Variants in CDC42BPA observed in about 807,000 individuals in gnomAD.
The protein encoded by CDC42BPA is CDC42 binding protein kinase alpha.
A neutral mutation model predicts 223.5 loss-of-function variants in CDC42BPA; 80 were observed. That is an observed-to-expected ratio of 0.36 (90% confidence interval 0.30 to 0.43). The LOEUF (loss-of-function observed/expected upper bound fraction) is 0.43. Ranked by LOEUF, CDC42BPA falls within the 20% of genes least tolerant of loss-of-function variation. The probability of loss-of-function intolerance (pLI) is 1.00; values close to 1 mark genes in which losing one functional copy is unlikely to be tolerated. For synonymous variants in CDC42BPA, 694 were observed against 718.6 expected (o/e 0.97, Z 0.55); for missense variants, 1,743 against 2,099.9 (o/e 0.83, Z 3.32).
intron 11 of CDC42BPA, among the ~76,000 whole-genome samples, chr1:227,122,877 C>A (rs544044838): frequency 6.6e-6 from 1 of 152,320 alleles, no homozygotes; most frequent in Admixed American, 6.5e-5. Flanking sequence ...AGAGCCTTTA[C>A]TTTCACTACA....
chr1:227,098,882 A>G (rs1684476677), intron 15 of CDC42BPA, among the ~76,000 whole-genome samples: 1 of 152,026 alleles, frequency 6.6e-6, no homozygotes. Flanking sequence ...ATTCTACAAT[A>G]TAGTCATGTA....
At chr1:227,208,349 CTTTAG>C (rs2150322435) in intron 3 of CDC42BPA, among the ~76,000 whole-genome samples, 1 of 139,742 alleles carries the variant, frequency 7.2e-6, no homozygotes, top group African/African-American at 2.6e-5. Flanking sequence ...TGCAGAAGCT[CTTTAG>C]TTTAATTAGA....
Position 226,992,630 on chromosome 1 carries a change from C to T in CDC42BPA, c.*1638G>A, listed in dbSNP as rs778043088. On this transcript the variant is annotated 3_prime_UTR_variant, in exon 37 of 37. Transcript: ENST00000366766. Reference sequence around the variant, plus strand: ...ACTCAGGTTAGCAACTGCAGGAAAACTTTCTTCATTTTCACTGAATTTTAA... The same window carrying T: ...ACTCAGGTTAGCAACTGCAGGAAAATTTTCTTCATTTTCACTGAATTTTAA... 1 of 152,268 alleles carries T rather than the reference C, an allele frequency of 6.6e-6. No homozygotes were observed. The highest frequency in any genetic ancestry group is 2.1e-4 in the South Asian group (1 of 4,830). The allele number at this position is 152,268 out of a possible 1,614,324, so 9.4% of individuals were successfully genotyped here.
chr1:227,208,091 T>C (rs2150319119), intron 3 of CDC42BPA, among the ~76,000 whole-genome samples: 1 of 101,430 alleles, frequency 9.9e-6, no homozygotes, highest in East Asian at 2.5e-4. Context: ...CATTGTGGTT[T>C]TGATTTGCGT....
At chr1:227,138,523 C>CAAAAAAAAAA (rs1558587660) in intron 10 of CDC42BPA, among the ~76,000 whole-genome samples, 1 of 4,568 alleles carries the variant, frequency 2.2e-4, no homozygotes, top group African/African-American at 8.7e-4. Context: ...GCCCCAGAAG[C>CAAAAAAAAAA]CAAAAAAAAA....
chr1:227,031,193 C>CA, intron 28 of CDC42BPA, 105 bp downstream of exon 28: 1 of 795,136 alleles, frequency 1.3e-6, no homozygotes, highest in Non-Finnish European at 2.1e-6. Flanking sequence ...TGATATGATG[C>CA]ACAGTATGTT....
chr1:227,158,805 T>C (rs1663306440), intron 6 of CDC42BPA, among the ~76,000 whole-genome samples: 1 of 152,194 alleles, frequency 6.6e-6, no homozygotes, highest in African/African-American at 2.4e-5. Context: ...TCATATGGTC[T>C]TGTGGTACAA....
At chr1:227,054,586 G>C (rs1368797404) in intron 21 of CDC42BPA, among the ~76,000 whole-genome samples, 1 of 152,122 alleles carries the variant, frequency 6.6e-6, no homozygotes, top group Non-Finnish European at 1.5e-5. Flanking sequence ...GGATATTGGA[G>C]AAAGGAAAAA....
intron 34 of CDC42BPA, among the ~76,000 whole-genome samples, chr1:227,007,078 G>T (rs1664259313): frequency 6.6e-6 from 1 of 151,736 alleles, no homozygotes; most frequent in African/African-American, 2.4e-5. Context: ...GAAATGCAAT[G>T]AAAAAAAATC....
In CDC42BPA at chr1:227,128,678, T is replaced by C. The variant is rs1436670211; in HGVS notation, c.1513+431A>G. Among the ~76,000 whole-genome samples the C allele has an allele frequency of 2.0e-5, 3 of 152,134 alleles. No individual in the cohort carries two copies. In the East Asian group the frequency reaches 5.8e-4, roughly 29 times the overall value. ...AAAATAATTGCATTAACAAAGAAAA[T>C]AAATTTTCTTGATGCCTGTATACAT... On this transcript the variant is annotated intron_variant, in intron 11 of 36. Transcript: ENST00000366766.
intron 21 of CDC42BPA, among the ~76,000 whole-genome samples, chr1:227,065,702 G>A (rs573669653): frequency 6.6e-6 from 1 of 152,278 alleles, no homozygotes; most frequent in Non-Finnish European, 1.5e-5. Context: ...AGGCCTGTGT[G>A]GAAGGGTAAA....
In CDC42BPA at chr1:227,050,672, A is replaced by C. The variant is rs1461389401; in HGVS notation, c.3009+1209T>G. 2.6e-5 allele frequency among the ~76,000 whole-genome samples: 4 copies of C among 152,176 alleles called. No homozygotes were observed. The East Asian group carries it at 7.7e-4, about 29-fold the overall frequency. ...GAAAAGCAGACTTCTGAATGAAAAA[A>C]ATTACAGAAGGATACAGGTAATATT... is the stretch of plus-strand genomic sequence containing the variant. On this transcript the variant is annotated intron_variant, in intron 22 of 36. Transcript: ENST00000366766.
At chr1:227,271,895 C>G (rs1686020552) in intron 1 of CDC42BPA, among the ~76,000 whole-genome samples, 1 of 152,116 alleles carries the variant, frequency 6.6e-6, no homozygotes, top group Non-Finnish European at 1.5e-5. Context: ...TATAAATCAA[C>G]AACTGGTTCA....
intron 16 of CDC42BPA, among the ~76,000 whole-genome samples, chr1:227,085,828 C>G (rs984763037): frequency 6.6e-6 from 1 of 152,118 alleles, no homozygotes; most frequent in Non-Finnish European, 1.5e-5. Context: ...TTTTTTCACA[C>G]TTTTACTGAG....
At chr1:227,029,452 T>G (rs1231473650) in intron 29 of CDC42BPA, among the ~76,000 whole-genome samples, 1 of 152,152 alleles carries the variant, frequency 6.6e-6, no homozygotes, top group Non-Finnish European at 1.5e-5. Context: ...AGTCCTGAGA[T>G]TTCTGGCAGC....
At chr1:227,000,056 AC>A (rs1211631184) in intron 35 of CDC42BPA, among the ~76,000 whole-genome samples, 1 of 151,570 alleles carries the variant, frequency 6.6e-6, no homozygotes, top group African/African-American at 2.4e-5. Context: ...TATGTAACAA[AC>A]CTGCATGTTC....
chr1:227,120,090 T>C (rs1688391097), intron 11 of CDC42BPA, among the ~76,000 whole-genome samples, 153 bp from the exon 12 acceptor site: 1 of 151,874 alleles, frequency 6.6e-6, no homozygotes, highest in East Asian at 1.9e-4. Flanking sequence ...ACAAATTAAA[T>C]GCATTATCAG....
chr1:227,275,648 G>C (rs1686832422), intron 1 of CDC42BPA, among the ~76,000 whole-genome samples: 1 of 138,570 alleles, frequency 7.2e-6, no homozygotes, highest in African/African-American at 2.7e-5. Flanking sequence ...TCCCTCTGAT[G>C]CCAAGCGGAG....
intron 2 of CDC42BPA, among the ~76,000 whole-genome samples, chr1:227,250,639 T>A (rs1681828673): frequency 6.6e-6 from 1 of 151,442 alleles, no homozygotes; most frequent in Admixed American, 6.6e-5. Flanking sequence ...TGTGTGTGTG[T>A]ATGTGTGTGT....
Sources: gnomAD v4.1 joint callset for allele counts (sites outside exome capture counted in the v4.1 genomes callset) on GRCh38, gnomAD v4.1.1 for gene constraint, MANE v1.5 for transcripts, NCBI Gene and HGNC (gene_info 2026-07-23, HGNC 2026-07-21) for gene names.